Variants in ZCCHC7 observed in about 807,000 individuals in gnomAD.
The protein encoded by ZCCHC7 is zinc finger CCHC-type containing 7, also known as zinc finger CCHC domain-containing protein 7.
Under a neutral mutation model 52.0 loss-of-function variants are expected in ZCCHC7, and 35 were observed. That is an observed-to-expected ratio of 0.67 (90% CI 0.51 to 0.89). The LOEUF is 0.89. Among genes scored for constraint, ZCCHC7 ranks in the 40% least tolerant of loss-of-function variants. The pLI, the probability that ZCCHC7 is intolerant of heterozygous loss-of-function variation, is 0.00. For missense variants in ZCCHC7, 574 were observed against 649.1 expected (o/e 0.88, Z 1.26); for synonymous variants, 217 against 221.5 (o/e 0.98, Z 0.18).
At chr9:37,203,556 T>G (rs975123497) in intron 2 of ZCCHC7, among the ~76,000 whole-genome samples, 4 of 152,188 alleles carry the variant, frequency 2.6e-5, no homozygotes, top group South Asian at 2.1e-4. Flanking sequence ...ACATGTGGTG[T>G]TTGGTTTTCT....
intron 2 of ZCCHC7, among the ~76,000 whole-genome samples, chr9:37,262,640 T>C (rs1418683869): frequency 6.6e-6 from 1 of 152,214 alleles, no homozygotes; most frequent in Non-Finnish European, 1.5e-5. Context: ...TCCCGGTGGA[T>C]ACCAGGGAAA....
intron 2 of ZCCHC7, among the ~76,000 whole-genome samples, chr9:37,236,538 C>T (rs1825660970): frequency 6.6e-6 from 1 of 152,014 alleles, no homozygotes; most frequent in South Asian, 2.1e-4. Flanking sequence ...ACTACAGGCG[C>T]CCGCCACCAC....
At chr9:37,212,607 A>G (rs1375578104) in intron 2 of ZCCHC7, among the ~76,000 whole-genome samples, 2 of 152,166 alleles carry the variant, frequency 1.3e-5, no homozygotes, top group East Asian at 1.9e-4. Flanking sequence ...GTGGAACTCT[A>G]AGGCTCTGGT....
At chr9:37,285,320 A>C (rs1427749267) in intron 2 of ZCCHC7, among the ~76,000 whole-genome samples, 1 of 152,198 alleles carries the variant, frequency 6.6e-6, no homozygotes, top group Non-Finnish European at 1.5e-5. Flanking sequence ...GGAAGAACCT[A>C]GGTTTTTATT....
chr9:37,123,933 G>A (rs970030370), intron 1 of ZCCHC7, among the ~76,000 whole-genome samples: 1 of 152,084 alleles, frequency 6.6e-6, no homozygotes, highest in Non-Finnish European at 1.5e-5. Flanking sequence ...AAGGGCACAG[G>A]TATATGATAC....
chr9:37,265,337 G>A (rs1827053687), intron 2 of ZCCHC7, among the ~76,000 whole-genome samples: 1 of 152,068 alleles, frequency 6.6e-6, no homozygotes, highest in South Asian at 2.1e-4. Flanking sequence ...AGGATCCTAG[G>A]ATTCCTAGTA....
chr9:37,348,561 G>T (rs1349779359), intron 6 of ZCCHC7, among the ~76,000 whole-genome samples: 2 of 151,954 alleles, frequency 1.3e-5, no homozygotes, highest in African/African-American at 4.8e-5. Context: ...TGTATTTTTA[G>T]TAGAGACGAG....
At chr9:37,231,454 CTGATA>C (rs1825401931) in intron 2 of ZCCHC7, among the ~76,000 whole-genome samples, 2 of 152,036 alleles carry the variant, frequency 1.3e-5, no homozygotes, top group Non-Finnish European at 2.9e-5. Flanking sequence ...CTATCGAGAT[CTGATA>C]TACTTTGTGT....
intron 2 of ZCCHC7, among the ~76,000 whole-genome samples, chr9:37,218,671 T>G (rs1824645088): frequency 6.6e-6 from 1 of 152,102 alleles, no homozygotes; most frequent in South Asian, 2.1e-4. Context: ...TAGCTGGGCG[T>G]GGTGGCGCGC....
At chr9:37,191,712 T>A (rs919829030) in intron 2 of ZCCHC7, among the ~76,000 whole-genome samples, 2 of 152,248 alleles carry the variant, frequency 1.3e-5, no homozygotes, top group African/African-American at 4.8e-5. Flanking sequence ...CCTCTGTTAA[T>A]GAACGCAAAC....
At chr9:37,233,023 C>G (rs1469893481) in intron 2 of ZCCHC7, among the ~76,000 whole-genome samples, 1 of 152,090 alleles carries the variant, frequency 6.6e-6, no homozygotes, top group African/African-American at 2.4e-5. Context: ...AAAGTAACAT[C>G]GCCATTCTAT....
chr9:37,230,438 T>C (rs1825344033), intron 2 of ZCCHC7, among the ~76,000 whole-genome samples: 2 of 152,194 alleles, frequency 1.3e-5, no homozygotes, highest in African/African-American at 4.8e-5. Context: ...TGTGTGATCA[T>C]ATATTGAATT....
chr9:37,269,777 G>C (rs935547237), intron 2 of ZCCHC7, among the ~76,000 whole-genome samples: 2 of 152,060 alleles, frequency 1.3e-5, no homozygotes, highest in African/African-American at 4.8e-5. Context: ...AACTATTTAT[G>C]GGAGATGAGG....
chr9:37,218,646 T>C (rs1824643174), intron 2 of ZCCHC7, among the ~76,000 whole-genome samples: 1 of 152,082 alleles, frequency 6.6e-6, no homozygotes, highest in Non-Finnish European at 1.5e-5. Context: ...CTGTCTCTAC[T>C]AAAAATACAA....
intron 2 of ZCCHC7, among the ~76,000 whole-genome samples, chr9:37,183,528 G>A (rs1275914883): frequency 1.3e-5 from 2 of 152,138 alleles, no homozygotes; most frequent in Non-Finnish European, 2.9e-5. Flanking sequence ...TGTTTTCACA[G>A]CCCTTTCTTT....
intron 2 of ZCCHC7, among the ~76,000 whole-genome samples, chr9:37,202,681 T>G (rs1210021311): frequency 1.3e-5 from 2 of 152,122 alleles, no homozygotes; most frequent in East Asian, 1.9e-4. Flanking sequence ...GGGGTTTTAC[T>G]ATGTTGCCCA....
At chr9:37,304,503 A>C (rs1182579305) in intron 4 of ZCCHC7, among the ~76,000 whole-genome samples, 190 bp downstream of exon 4, 1 of 152,070 alleles carries the variant, frequency 6.6e-6, no homozygotes, top group East Asian at 1.9e-4. Context: ...AAAATATACA[A>C]AAAATTAGCC....
At chr9:37,182,720 T>C (rs1198171803) in intron 2 of ZCCHC7, among the ~76,000 whole-genome samples, 2 of 152,254 alleles carry the variant, frequency 1.3e-5, no homozygotes, top group African/African-American at 4.8e-5. Flanking sequence ...AAAATCAGTC[T>C]GTCTTGAAAT....
chr9:37,347,508 G>A (rs1821063624), intron 6 of ZCCHC7, among the ~76,000 whole-genome samples: 1 of 152,112 alleles, frequency 6.6e-6, no homozygotes, highest in Admixed American at 6.5e-5. Context: ...AAATACATGT[G>A]CAAAAGAATA....
Sources: allele counts gnomAD v4.1 joint callset (sites outside exome capture counted in the v4.1 genomes callset), GRCh38; gene constraint gnomAD v4.1.1; transcripts MANE v1.5; gene names NCBI Gene and HGNC (gene_info 2026-07-23, HGNC 2026-07-21).